The following EXOSC5 variants were observed in gnomAD, a reference collection of about 807,000 sequenced individuals.
EXOSC5 encodes exosome component 5.
In EXOSC5, 15 loss-of-function variants were observed where a neutral mutation model predicts 23.7. That is an observed-to-expected ratio of 0.63 (90% CI 0.42 to 0.97). The LOEUF is 0.97. Ranked by LOEUF, EXOSC5 falls within the 50% of genes least tolerant of loss-of-function variation. The probability of loss-of-function intolerance (pLI) is 0.00; values close to 1 mark genes in which losing one functional copy is unlikely to be tolerated. For missense variants in EXOSC5, 305 were observed against 316.3 expected (o/e 0.96, Z 0.27); for synonymous variants, 143 against 140.9 (o/e 1.02, Z -0.11).
intron 2 of EXOSC5, 80 bp downstream of exon 2, chr19:41,392,787 G>A (rs1488866030): frequency 5.4e-6 from 7 of 1,292,534 alleles, no homozygotes; most frequent in Admixed American, 1.8e-5. Context: ...GTGGAGACTC[G>A]GGGCAGCTGG....
Position 41,391,928 on chromosome 19 carries a change from C to T in EXOSC5, c.297G>A (p.Arg99=). ...CCAGCACCACCGCCTCGCACGTGTTCCTGATCAGCCGCTCCCGGCTCTTCT... is the reference window on the plus strand; with the variant it reads ...CCAGCACCACCGCCTCGCACGTGTTTCTGATCAGCCGCTCCCGGCTCTTCT... The part of the protein sequence containing the change: ...VAEKSRERLI[R]NTCEAVVLGT... The change falls in exon 3 of 6, where the codon AGG becomes AGA. Residue 99 remains arginine (R), a synonymous_variant. Transcript: ENST00000221233. 1 of 1,580,148 alleles carries T rather than the reference C, an allele frequency of 6.3e-7. No individual in the cohort carries two copies.
intron 3 of EXOSC5, 96 bp from the exon 4 acceptor site, chr19:41,390,001 C>T (rs891336936): frequency 2.7e-5 from 38 of 1,387,124 alleles, no homozygotes; most frequent in African/African-American, 2.4e-4. Flanking sequence ...GGTGTGATCT[C>T]GGCTCACTGC....
At chr19:41,394,407 C>T (rs551183162) in intron 1 of EXOSC5, among the ~76,000 whole-genome samples, 32 of 151,790 alleles carry the variant, frequency 2.1e-4, no homozygotes, top group African/African-American at 7.7e-4. Flanking sequence ...CATTTTAGGC[C>T]AGGCATGGTG....
chr19:41,391,814 G>A, intron 3 of EXOSC5, 27 bp downstream of exon 3: 1 of 1,485,730 alleles, frequency 6.7e-7, no homozygotes, highest in South Asian at 1.4e-5. Context: ...AGACTTCCTG[G>A]AGGAGGAGGC....
chr19:41,395,276 G>A (rs1427280430), intron 1 of EXOSC5, among the ~76,000 whole-genome samples: 2 of 152,310 alleles, frequency 1.3e-5, no homozygotes, highest in East Asian at 3.9e-4. Context: ...CTTAGTTCCA[G>A]GAGAAACTGC....
At chr19:41,387,651 C>A in intron 4 of EXOSC5, 48 bp from the exon 5 acceptor site, 1 of 1,371,886 alleles carries the variant, frequency 7.3e-7, no homozygotes, top group Non-Finnish European at 9.9e-7. Flanking sequence ...ACCTTCCCCT[C>A]AGATAAAATC....
chr19:41,391,767 G>A (rs759515781), intron 3 of EXOSC5, 74 bp downstream of exon 3: 42 of 1,442,048 alleles, frequency 2.9e-5, no homozygotes, highest in Non-Finnish European at 3.8e-5. Flanking sequence ...GGCTAGCAGT[G>A]AGGGTATATG....
At chr19:41,390,101 C>A (rs556848482) in intron 3 of EXOSC5, among the ~76,000 whole-genome samples, 196 bp from the exon 4 acceptor site, 1 of 151,922 alleles carries the variant, frequency 6.6e-6, no homozygotes, top group East Asian at 1.9e-4. Context: ...CCCGGCTAAT[C>A]TTTGTATTTT....
In EXOSC5 at chr19:41,391,943, C is replaced by G. The variant is rs2039026046; in HGVS notation, c.282G>C (p.Arg94=). The change falls in exon 3 of 6, where the codon CGG becomes CGC. Residue 94 remains arginine (R), a synonymous_variant. Transcript: ENST00000221233. ...IGLPGVAEKS[R]ERLIRNTCEA... ...CGCACGTGTTCCTGATCAGCCGCTC[C>G]CGGCTCTTCTCTGCAACACCTGGGG... 1 of 1,582,586 alleles carries G rather than the reference C, an allele frequency of 6.3e-7. No individual in the cohort carries two copies. Among genetic ancestry groups the G allele is most frequent in the Admixed American group, 1.8e-5 (1 of 54,450 alleles).
intron 3 of EXOSC5, among the ~76,000 whole-genome samples, chr19:41,390,722 A>G (rs1454872411): frequency 6.7e-6 from 1 of 149,464 alleles, no homozygotes; most frequent in Non-Finnish European, 1.5e-5. Flanking sequence ...GCTCTGCCTC[A>G]GTTTCCTAAT....
In EXOSC5 at chr19:41,386,670, T is replaced by C; in HGVS notation, c.671A>G (p.Tyr224Cys). The change falls in exon 6 of 6, where the codon TAC (tyrosine) becomes TGC (cysteine). Residue 224 changes from tyrosine (Y) to cysteine (C), a missense_variant. By Grantham distance (194) the Tyr-to-Cys change is radical. Transcript: ENST00000221233. ...GTAACGCCTCTGCAGCGATTCCCGG[T>C]AGAAACGGAAGACGTGTTGCGAAGC... ...QAASQHVFRF[Y>C]RESLQRRYSK... The C allele has an allele frequency of 6.2e-7, 1 of 1,603,154 alleles. No individual in the cohort carries two copies. The highest frequency in any genetic ancestry group is 2.2e-5 in the East Asian group (1 of 44,498).
Position 41,386,628 on chromosome 19 carries a change from T to C in EXOSC5, c.*5A>G. On this transcript the variant is annotated 3_prime_UTR_variant, in exon 6 of 6. Transcript: ENST00000221233. ...AATGGGAGCGGCCCCTTGCCCCAGC[T>C]TGCCTCAGCTCTTGGAGTAACGCCT... 1.3e-6 allele frequency: 2 copies of C among 1,578,690 alleles called. No homozygotes were observed. The highest frequency in any genetic ancestry group is 1.2e-5 in the South Asian group (1 of 86,260).
intron 1 of EXOSC5, among the ~76,000 whole-genome samples, chr19:41,393,594 C>T (rs932146749): frequency 4.9e-5 from 7 of 141,906 alleles, no homozygotes; most frequent in Non-Finnish European, 1.1e-4. Context: ...GAGTCTTGCT[C>T]TGTCGCCCAG....
intron 2 of EXOSC5, 53 bp from the exon 3 acceptor site, chr19:41,392,015 C>T: frequency 6.5e-7 from 1 of 1,545,016 alleles, no homozygotes; most frequent in Admixed American, 2.2e-5. Flanking sequence ...GACTCACCTT[C>T]CTCCATACGC....
intron 1 of EXOSC5, among the ~76,000 whole-genome samples, 189 bp downstream of exon 1, chr19:41,396,992 T>A (rs893044220): frequency 2.6e-5 from 4 of 152,192 alleles, no homozygotes; most frequent in Non-Finnish European, 4.4e-5. Context: ...GATGGAACTA[T>A]CTTCTCCTTT....
At position 41,386,588 on chromosome 19, in the gene EXOSC5, TGA is replaced by T. The variant is rs1460658817; in HGVS notation, c.*43_*44del. ...CTGGTTTGCTTCAGGCTGTAGGGGG[TGA>T]GTGGGTGGAGGCAATGGGAGCGGCC... is the stretch of plus-strand genomic sequence containing the variant. On this transcript the variant is annotated 3_prime_UTR_variant, in exon 6 of 6. Transcript: ENST00000221233. The T allele has an allele frequency of 3.9e-6, 6 of 1,535,920 alleles. No homozygotes were observed. The African/African-American group carries it at 8.3e-5, about 21-fold the overall frequency.
At chr19:41,396,786 G>A (rs571630782) in intron 1 of EXOSC5, among the ~76,000 whole-genome samples, 1 of 125,292 alleles carries the variant, frequency 8.0e-6, no homozygotes, top group Admixed American at 1.1e-4. Context: ...TCCACAGTAT[G>A]CAAATAGACA....
In EXOSC5 at chr19:41,393,386, T is replaced by C. The variant is rs887748716; in HGVS notation, c.149-406A>G. ...CTCAAGTGATCCTCCCGCCTCAGCC[T>C]CCCAAGTAGCTGGAACTACAGGCAT... On this transcript the variant is annotated intron_variant, in intron 1 of 5. Transcript: ENST00000221233. Among the ~76,000 whole-genome samples the C allele has an allele frequency of 2.0e-5, 3 of 151,952 alleles. No individual in the cohort carries two copies. The East Asian group carries it at 5.8e-4, about 29-fold the overall frequency.
At position 41,386,740 on chromosome 19, in the gene EXOSC5, CT is replaced by C. The variant is rs772562372; in HGVS notation, c.616-16del. On this transcript the variant is annotated splice_polypyrimidine_tract_variant and intron_variant, in intron 5 of 5. Coordinates refer to ENST00000221233, the MANE Select transcript of EXOSC5 (RefSeq NM_020158.4). ...CACTGCTGGAGCTGCGGGGGAGAGA[CT>C]GGTCGGTGCTGGGGGCCGAGCCCTT... 1.3e-6 allele frequency: 2 copies of C among 1,562,830 alleles called. No homozygotes were observed. The highest frequency in any genetic ancestry group is 1.7e-6 in the Non-Finnish European group (2 of 1,158,262).
Sources: allele counts gnomAD v4.1 joint callset (sites outside exome capture counted in the v4.1 genomes callset), GRCh38; gene constraint gnomAD v4.1.1; transcripts MANE v1.5; gene names NCBI Gene and HGNC (gene_info 2026-07-23, HGNC 2026-07-21).